MED12L: variants seen among roughly 807,000 people sequenced by gnomAD.
MED12L encodes mediator complex subunit 12L, also known as mediator of RNA polymerase II transcription subunit 12-like protein.
In MED12L, 60 loss-of-function variants were observed where a neutral mutation model predicts 281.3. The ratio of observed to expected loss-of-function variants is 0.21; its 90% CI spans 0.17 to 0.26. The LOEUF (loss-of-function observed/expected upper bound fraction) is 0.26. Among genes scored for constraint, MED12L ranks in the 10% least tolerant of loss-of-function variants. The pLI is 1.00. For missense variants in MED12L, 2,146 were observed against 2,680.9 expected (o/e 0.80, Z 4.41); for synonymous variants, 974 against 987.2 (o/e 0.99, Z 0.25).
intron 16 of MED12L, among the ~76,000 whole-genome samples, chr3:151,284,256 C>T (rs1381759371): frequency 6.6e-6 from 1 of 151,760 alleles, no homozygotes; most frequent in Non-Finnish European, 1.5e-5. Flanking sequence ...AAAGGAAGTG[C>T]TATGGGTGAT....
rs576542388 is a variant in MED12L, at chr3:151,249,282, A to C, written c.2250+55616A>C. On this transcript the variant is annotated intron_variant, in intron 16 of 44. Transcript: ENST00000687756. ...TGCTTGTTTATGACCTTTTCCTGTG[A>C]AGCTGTTGTAATAATAGCTTCTGTA... 2.0e-5 allele frequency among the ~76,000 whole-genome samples: 3 copies of C among 152,296 alleles called. No individual in the cohort carries two copies. The East Asian group carries it at 5.8e-4, about 29-fold the overall frequency.
At chr3:151,323,442 C>T (rs1366798459) in intron 16 of MED12L, among the ~76,000 whole-genome samples, 1 of 152,196 alleles carries the variant, frequency 6.6e-6, no homozygotes, top group Non-Finnish European at 1.5e-5. Flanking sequence ...AGTCCTGCAT[C>T]TCTGTCCCAA....
Position 151,369,499 on chromosome 3 carries a change from G to A in MED12L, c.3614G>A (p.Ser1205Asn). The A allele has an allele frequency of 6.2e-7, 1 of 1,611,878 alleles. No individual in the cohort carries two copies. The highest frequency in any genetic ancestry group is 1.3e-5 in the African/African-American group (1 of 75,012). The part of the protein sequence containing the change: ...DRHLLAAAHN[S>N]IEVGAVFAVL... Reference sequence around the variant, plus strand: ...CACCTCTTAGCCGCTGCTCACAACAGCATTGAAGTGGGAGCCGTGTTTGCT... The same window carrying A: ...CACCTCTTAGCCGCTGCTCACAACAACATTGAAGTGGGAGCCGTGTTTGCT... Residue 1205 changes from serine to asparagine, a missense_variant, in exon 26 of 45, where the codon AGC (serine) becomes AAC (asparagine). Ser to Asn is a conservative substitution (Grantham distance 46). Coordinates refer to ENST00000687756, the MANE Select transcript of MED12L (RefSeq NM_001393769.1).
chr3:151,208,131 T>TA (rs1726616924), intron 16 of MED12L, among the ~76,000 whole-genome samples: 1 of 152,250 alleles, frequency 6.6e-6, no homozygotes, highest in South Asian at 2.1e-4. Context: ...TCTTATTTTT[T>TA]ACCTAACTAC....
rs75881639 is a variant in MED12L, at chr3:151,182,349, T to G, written c.1495-2981T>G. ...CTGTAAGTGGGCCTGCTGAGTGGCT[T>G]TATTCATGATGTTCCCACCTAAAAT... is the stretch of plus-strand genomic sequence containing the variant. On this transcript the variant is annotated intron_variant, in intron 11 of 44. Coordinates refer to ENST00000687756, the MANE Select transcript of MED12L (RefSeq NM_001393769.1). Among the ~76,000 whole-genome samples, 1,199 of 152,308 alleles carry G rather than the reference T, an allele frequency of 7.9e-3. 18 individuals carry two copies. The highest frequency in any genetic ancestry group is 0.028 in the African/African-American group (1,155 of 41,562).
intron 16 of MED12L, among the ~76,000 whole-genome samples, chr3:151,226,574 A>G (rs898239993): frequency 3.3e-5 from 5 of 152,084 alleles, no homozygotes; most frequent in Admixed American, 6.5e-5. Flanking sequence ...AGGCCCTTCA[A>G]CATTTTGCTG....
At chr3:151,409,594 T>A (rs1716731676) in intron 40 of MED12L, among the ~76,000 whole-genome samples, 3 of 152,216 alleles carry the variant, frequency 2.0e-5, no homozygotes, top group Non-Finnish European at 4.4e-5. Flanking sequence ...TTATAGATAT[T>A]GAAATACTTA....
intron 2 of MED12L, among the ~76,000 whole-genome samples, chr3:151,087,241 A>G (rs1177183199): frequency 6.6e-6 from 1 of 152,128 alleles, no homozygotes; most frequent in East Asian, 1.9e-4. Context: ...CTCGCTTTCC[A>G]TGTGCCGGTC....
intron 2 of MED12L, among the ~76,000 whole-genome samples, chr3:151,107,362 C>G (rs1722204566): frequency 6.6e-6 from 1 of 152,124 alleles, no homozygotes; most frequent in South Asian, 2.1e-4. Flanking sequence ...TCAGAGCATT[C>G]TTGTCTAACT....
At chr3:151,132,611 C>T (rs902111167) in intron 5 of MED12L, among the ~76,000 whole-genome samples, 2 of 152,074 alleles carry the variant, frequency 1.3e-5, no homozygotes, top group Non-Finnish European at 2.9e-5. Context: ...GGATTTTTCT[C>T]CTTCAAAGTT....
Position 151,088,683 on chromosome 3 carries a change from A to G in MED12L, c.99+1658A>G, listed in dbSNP as rs1719601390. On this transcript the variant is annotated intron_variant, in intron 2 of 44. Coordinates refer to ENST00000687756, the MANE Select transcript of MED12L (RefSeq NM_001393769.1). ...ATTTTGGATTTCAGGGTCTCACAAC[A>G]TTTTATGGAGTTCTAAAACTGGAAG... Among the ~76,000 whole-genome samples the G allele has an allele frequency of 2.0e-5, 3 of 152,130 alleles. No homozygotes were observed. In the South Asian group the frequency reaches 6.2e-4, roughly 32 times the overall value.
In MED12L at chr3:151,394,806, T is replaced by G; in HGVS notation, c.5759T>G (p.Leu1920Arg). The part of the protein sequence containing the change: ...TSQQQLIQMK[L>R]LQQQQQQRLL... ...CAGCAGCAGTTGATACAGATGAAGC[T>G]TCTGCAGCAGCAGCAGCAACAGCGA... The change falls in exon 39 of 45, where the codon CTT becomes CGT. Residue 1920 changes from leucine to arginine, a missense_variant. This residue lies in a region of MED12L where 496 missense variants were observed against 512.0 expected (regional missense o/e 0.97). Transcript: ENST00000687756. The G allele has an allele frequency of 1.9e-6, 3 of 1,614,190 alleles. No homozygotes were observed. The highest frequency in any genetic ancestry group is 2.5e-6 in the Non-Finnish European group (3 of 1,180,008).
intron 16 of MED12L, among the ~76,000 whole-genome samples, chr3:151,305,822 T>C (rs1411686741): frequency 6.6e-6 from 1 of 152,168 alleles, no homozygotes; most frequent in Non-Finnish European, 1.5e-5. Flanking sequence ...TCTTCCAAAC[T>C]AGAGGTCTAG....
intron 16 of MED12L, among the ~76,000 whole-genome samples, chr3:151,266,576 G>A (rs1490625064): frequency 6.6e-6 from 1 of 152,172 alleles, no homozygotes; most frequent in Non-Finnish European, 1.5e-5. Context: ...AGAGATGGGG[G>A]TTGCTGTCTT....
At chr3:151,225,594 G>A (rs1333845154) in intron 16 of MED12L, among the ~76,000 whole-genome samples, 1 of 152,056 alleles carries the variant, frequency 6.6e-6, no homozygotes, top group Non-Finnish European at 1.5e-5. Flanking sequence ...ATTTTGAAAC[G>A]GACACTCAAA....
intron 16 of MED12L, among the ~76,000 whole-genome samples, chr3:151,242,955 A>G (rs1231994970): frequency 1.3e-5 from 2 of 151,680 alleles, no homozygotes; most frequent in Non-Finnish European, 2.9e-5. Context: ...AGGCTCGAGA[A>G]CTACGTGAAG....
At chr3:151,354,098 G>A (rs1467739773) in intron 17 of MED12L, among the ~76,000 whole-genome samples, 5 of 119,418 alleles carry the variant, frequency 4.2e-5, no homozygotes, top group Admixed American at 1.2e-4. Flanking sequence ...CCGAGATCCC[G>A]CCACTGCACT....
intron 5 of MED12L, among the ~76,000 whole-genome samples, chr3:151,142,627 A>AT (rs1717186810): frequency 6.6e-6 from 1 of 152,140 alleles, no homozygotes; most frequent in African/African-American, 2.4e-5. Context: ...TATTTCATGT[A>AT]TTTTTAAGTG....
chr3:151,309,645 A>G (rs1043199918), intron 16 of MED12L, among the ~76,000 whole-genome samples: 6 of 152,160 alleles, frequency 3.9e-5, no homozygotes, highest in South Asian at 2.1e-4. Context: ...TGTTATCCCC[A>G]TGTGCCACAT....
Sources: allele counts gnomAD v4.1 joint callset (sites outside exome capture counted in the v4.1 genomes callset), GRCh38; gene constraint gnomAD v4.1.1; regional missense constraint gnomAD v4.1.1; transcripts MANE v1.5; gene names NCBI Gene and HGNC (gene_info 2026-07-23, HGNC 2026-07-21).